Variants in PDK1 observed in about 807,000 individuals in gnomAD.
PDK1 encodes the protein [Pyruvate dehydrogenase (acetyl-transferring)] kinase isozyme 1, mitochondrial.
Under a neutral mutation model 54.2 loss-of-function variants are expected in PDK1, and 39 were observed. The ratio of observed to expected loss-of-function variants is 0.72; its 90% CI spans 0.56 to 0.94. PDK1 has a LOEUF of 0.94. Among genes scored for constraint, PDK1 ranks in the 40% least tolerant of loss-of-function variants. The probability of loss-of-function intolerance (pLI) is 0.00; values close to 1 mark genes in which losing one functional copy is unlikely to be tolerated. For synonymous variants in PDK1, 221 were observed against 207.1 expected (o/e 1.07, Z -0.58); for missense variants, 552 against 566.0 (o/e 0.98, Z 0.25).
chr2:172,688,688 G>A, the PDK1 span, among the ~76,000 whole-genome samples: 1 of 152,180 alleles, frequency 6.6e-6, no homozygotes, highest in Non-Finnish European at 1.5e-5. Flanking sequence ...AAGGAGAGAA[G>A]GAAGGAAGAT....
chr2:172,617,478 C>T, the PDK1 span, among the ~76,000 whole-genome samples: 1 of 152,102 alleles, frequency 6.6e-6, no homozygotes, highest in Non-Finnish European at 1.5e-5. Context: ...AGTCCAAGAG[C>T]AAGCCACTGG....
chr2:172,652,585 A>C, the PDK1 span, among the ~76,000 whole-genome samples: 1 of 152,248 alleles, frequency 6.6e-6, no homozygotes, highest in Non-Finnish European at 1.5e-5. Context: ...GTCTCAACCC[A>C]AAATCTCCTT....
the PDK1 span, among the ~76,000 whole-genome samples, chr2:172,625,353 T>C: frequency 6.6e-6 from 1 of 152,224 alleles, no homozygotes; most frequent in East Asian, 1.9e-4. Context: ...CTATCCTTAC[T>C]GCATTATTGT....
chr2:172,679,788 G>T, the PDK1 span, among the ~76,000 whole-genome samples: 1 of 152,100 alleles, frequency 6.6e-6, no homozygotes, highest in Non-Finnish European at 1.5e-5. Context: ...AAACAAGAAA[G>T]AAAAGAAGGT....
intron 2 of PDK1, among the ~76,000 whole-genome samples, chr2:172,559,245 C>G (rs1260505632): frequency 6.6e-5 from 10 of 152,176 alleles, no homozygotes; most frequent in Admixed American, 6.5e-4. Context: ...CCGTGCCCGA[C>G]CAGAGTCTTA....
the PDK1 span, among the ~76,000 whole-genome samples, chr2:172,644,550 G>A: frequency 3.2e-4 from 49 of 152,222 alleles, 1 homozygote; most frequent in Admixed American, 1.0e-3. Context: ...CAATAAATGA[G>A]AGTTGTGATT....
chr2:172,648,761 A>G, the PDK1 span, among the ~76,000 whole-genome samples: 1 of 152,158 alleles, frequency 6.6e-6, no homozygotes, highest in South Asian at 2.1e-4. Context: ...AGATTGAACT[A>G]CAAGGCCACA....
chr2:172,622,535 TGA>T, the PDK1 span, among the ~76,000 whole-genome samples: 1 of 148,754 alleles, frequency 6.7e-6, no homozygotes, highest in Non-Finnish European at 1.5e-5. Flanking sequence ...ATATATTATG[TGA>T]GATATGTTTA....
At chr2:172,638,575 C>T in the PDK1 span, among the ~76,000 whole-genome samples, 1 of 152,152 alleles carries the variant, frequency 6.6e-6, no homozygotes, top group Admixed American at 6.5e-5. Flanking sequence ...TAGGAAATAT[C>T]TATACTTAAA....
intron 2 of PDK1, 84 bp from the exon 3 acceptor site, chr2:172,562,135 TA>T (rs1688684989): frequency 4.0e-6 from 3 of 758,256 alleles, no homozygotes; most frequent in African/African-American, 1.8e-5. Flanking sequence ...TATAAAATGC[TA>T]AAAATAGCTT....
the PDK1 span, chr2:172,723,296 A>C: frequency 6.6e-6 from 1 of 152,284 alleles, no homozygotes; most frequent in South Asian, 2.1e-4. Context: ...CAAAGGATGA[A>C]GTTCAGATAC....
the PDK1 span, among the ~76,000 whole-genome samples, chr2:172,713,167 T>A: frequency 6.6e-6 from 1 of 152,138 alleles, no homozygotes; most frequent in Non-Finnish European, 1.5e-5. Context: ...AGGAGACTCA[T>A]GGTGGGTAGC....
chr2:172,645,142 G>T, the PDK1 span, among the ~76,000 whole-genome samples: 1 of 149,764 alleles, frequency 6.7e-6, no homozygotes, highest in African/African-American at 2.5e-5. Context: ...TTACACTACA[G>T]AAATCAGCAA....
upstream of PDK1, chr2:172,555,939 C>A: frequency 5.2e-6 from 2 of 385,202 alleles, no homozygotes; most frequent in Admixed American, 4.6e-5. Flanking sequence ...GGGCGGGCCC[C>A]GCAAGCGCCC....
At chr2:172,562,869 G>C in intron 3 of PDK1, 2 of 1,435,178 alleles carry the variant, frequency 1.4e-6, no homozygotes, top group Non-Finnish European at 9.7e-7. Context: ...GCCTTATGCA[G>C]CTACCTGCTT....
the PDK1 span, among the ~76,000 whole-genome samples, chr2:172,651,180 C>A: frequency 6.6e-6 from 1 of 151,990 alleles, no homozygotes; most frequent in East Asian, 1.9e-4. Flanking sequence ...TCACTCAAAA[C>A]CGCTCAACTA....
rs1691357341 is a variant in PDK1, at chr2:172,608,195, T to C, written c.*12226T>C. The C allele has an allele frequency of 6.9e-6, 1 of 145,262 alleles. No individual in the cohort carries two copies. Among genetic ancestry groups the C allele is most frequent in the South Asian group, 2.2e-4 (1 of 4,604 alleles). The allele number at this position is 145,262 out of a possible 1,614,324, so 9.0% of individuals were successfully genotyped here. The stretch of plus-strand genomic sequence containing the variant: ...TAGGAGAAAAGAAATGGGATGATAA[T>C]GATATTGCTGTACTAAAGTCTATTT... On this transcript the variant is annotated 3_prime_UTR_variant, in exon 11 of 11. Coordinates refer to ENST00000282077, the MANE Select transcript of PDK1 (RefSeq NM_002610.5).
intron 3 of PDK1, among the ~76,000 whole-genome samples, chr2:172,563,300 G>A (rs1018922919): frequency 1.3e-5 from 2 of 152,152 alleles, no homozygotes; most frequent in Non-Finnish European, 2.9e-5. Flanking sequence ...TAATAAAGGA[G>A]TGACTAGAAT....
At chr2:172,644,149 CA>C in the PDK1 span, among the ~76,000 whole-genome samples, 1 of 152,054 alleles carries the variant, frequency 6.6e-6, no homozygotes, top group Admixed American at 6.5e-5. Context: ...CCACAGCAAA[CA>C]CCTGCTGTAG....
Sources: gnomAD v4.1 joint callset for allele counts (sites outside exome capture counted in the v4.1 genomes callset) on GRCh38, gnomAD v4.1.1 for gene constraint, MANE v1.5 for transcripts, NCBI Gene and HGNC (gene_info 2026-07-23, HGNC 2026-07-21) for gene names.